The following FBXO34 variants were observed in gnomAD, a reference collection of about 807,000 sequenced individuals.
The protein encoded by FBXO34 is F-box only protein 34.
In FBXO34, 12 loss-of-function variants were observed where a neutral mutation model predicts 24.5. The observed-to-expected ratio is 0.49, with a 90% CI of 0.31 to 0.79. FBXO34 has a LOEUF of 0.79. FBXO34 is among the 30% of genes least tolerant of loss of function. The pLI is 0.04. For synonymous variants in FBXO34, 320 were observed against 311.9 expected (o/e 1.03, Z -0.27); for missense variants, 823 against 857.7 (o/e 0.96, Z 0.51).
the FBXO34 span, among the ~76,000 whole-genome samples, chr14:55,409,664 A>G: frequency 1.3e-5 from 2 of 152,178 alleles, no homozygotes; most frequent in East Asian, 3.8e-4. Context: ...TGTTCTTGGT[A>G]TGTTTGAGGA....
At chr14:55,360,890 C>T (rs961788337) in intron 3 of FBXO34, among the ~76,000 whole-genome samples, 8 of 151,786 alleles carry the variant, frequency 5.3e-5, no homozygotes, top group African/African-American at 1.9e-4. Flanking sequence ...CCCAGCTATT[C>T]GGGAGGCTGA....
the FBXO34 span, chr14:55,380,795 G>A: frequency 8.7e-6 from 5 of 577,594 alleles, no homozygotes; most frequent in East Asian, 3.5e-5. Context: ...GCACTGTTAC[G>A]TTTTAGTGCT....
At chr14:55,336,642 C>T (rs1883785343) in intron 1 of FBXO34, among the ~76,000 whole-genome samples, 1 of 152,142 alleles carries the variant, frequency 6.6e-6, no homozygotes, top group Non-Finnish European at 1.5e-5. Context: ...GCAGCTTCAG[C>T]AGTTGATCAT....
At chr14:55,397,016 C>A in the FBXO34 span, among the ~76,000 whole-genome samples, 1 of 152,054 alleles carries the variant, frequency 6.6e-6, no homozygotes, top group Non-Finnish European at 1.5e-5. Flanking sequence ...CTGATATGGA[C>A]AAAAGAAGAA....
chr14:55,350,626 T>TAG lies in FBXO34; in HGVS notation c.241_242dup (p.Ser81ArgfsTer4). 1 of 1,613,394 alleles carries TAG rather than the reference T, an allele frequency of 6.2e-7. No homozygotes were observed. On this transcript the variant is annotated frameshift_variant, in exon 2 of 2. Transcript: ENST00000313833. LOFTEE classifies it low-confidence loss of function (END_TRUNC). ...TGCAGTATGAGTGGGAAGAGTCCTG[T>TAG]AGAGAGCAGCTTGAATGTTAAAACC...
the FBXO34 span, among the ~76,000 whole-genome samples, chr14:55,417,175 ATG>A: frequency 6.6e-6 from 1 of 152,174 alleles, no homozygotes; most frequent in African/African-American, 2.4e-5. Flanking sequence ...TAAGAAACAG[ATG>A]TTACCTGAAC....
At chr14:55,286,811 T>C (rs1025281819) in intron 1 of FBXO34, among the ~76,000 whole-genome samples, 4 of 152,194 alleles carry the variant, frequency 2.6e-5, no homozygotes, top group African/African-American at 9.6e-5. Flanking sequence ...ATTTTGGATT[T>C]TTTTTTTTGA....
downstream of FBXO34, among the ~76,000 whole-genome samples, chr14:55,357,685 C>G (rs780616906): frequency 9.9e-5 from 15 of 152,170 alleles, no homozygotes; most frequent in Non-Finnish European, 1.8e-4. Flanking sequence ...TGGTGGCACA[C>G]ACCTGTAGCC....
At chr14:55,358,740 T>C (rs1884555028) in intron 3 of FBXO34, among the ~76,000 whole-genome samples, 1 of 152,218 alleles carries the variant, frequency 6.6e-6, no homozygotes, top group Middle Eastern at 3.4e-3. Flanking sequence ...GGGGTAGTAG[T>C]GGGCAGGGTA....
chr14:55,345,652 G>A (rs1157453860), intron 1 of FBXO34, among the ~76,000 whole-genome samples: 4 of 151,970 alleles, frequency 2.6e-5, no homozygotes, highest in South Asian at 2.1e-4. Flanking sequence ...CAGCAACTAT[G>A]TTTTACTCAT....
At chr14:55,320,378 A>G (rs1281970765) in intron 1 of FBXO34, among the ~76,000 whole-genome samples, 1 of 152,188 alleles carries the variant, frequency 6.6e-6, no homozygotes, top group Non-Finnish European at 1.5e-5. Flanking sequence ...CCCAAAGCTA[A>G]ATGGTAGGGT....
chr14:55,347,685 GT>G (rs1884204372), intron 1 of FBXO34, among the ~76,000 whole-genome samples: 1 of 152,290 alleles, frequency 6.6e-6, no homozygotes, highest in Admixed American at 6.5e-5. Flanking sequence ...CACACAAAGT[GT>G]TAGTTGAGCT....
At chr14:55,392,445 C>T in the FBXO34 span, among the ~76,000 whole-genome samples, 1 of 152,002 alleles carries the variant, frequency 6.6e-6, no homozygotes, top group East Asian at 1.9e-4. Context: ...CTCAGGAGTT[C>T]GAGGCCAGCC....
At chr14:55,437,897 T>C in the FBXO34 span, among the ~76,000 whole-genome samples, 1 of 152,252 alleles carries the variant, frequency 6.6e-6, no homozygotes, top group South Asian at 2.1e-4. Flanking sequence ...AAAAAAGTTA[T>C]TGAAACTTAA....
the FBXO34 span, chr14:55,440,690 G>T: frequency 2.1e-6 from 2 of 944,270 alleles, no homozygotes. Flanking sequence ...AGATGGGCTA[G>T]GGGTGGGCCG....
the FBXO34 span, among the ~76,000 whole-genome samples, chr14:55,384,799 C>T: frequency 6.6e-6 from 1 of 152,220 alleles, no homozygotes; most frequent in Non-Finnish European, 1.5e-5. Flanking sequence ...TCAATTAGAG[C>T]AGCCTGGTGG....
At chr14:55,427,669 C>T in the FBXO34 span, among the ~76,000 whole-genome samples, 1 of 152,032 alleles carries the variant, frequency 6.6e-6, no homozygotes, top group African/African-American at 2.4e-5. Flanking sequence ...ACCCTCCATC[C>T]CTGCTCTCTG....
chr14:55,429,797 A>G, the FBXO34 span, among the ~76,000 whole-genome samples: 8 of 151,042 alleles, frequency 5.3e-5, no homozygotes, highest in South Asian at 1.0e-3. Context: ...AAAGAAAACA[A>G]CAAGAAAAAA....
intron 1 of FBXO34, among the ~76,000 whole-genome samples, chr14:55,286,069 A>C (rs1881750701): frequency 6.6e-6 from 1 of 152,232 alleles, no homozygotes; most frequent in Non-Finnish European, 1.5e-5. Flanking sequence ...ATGCTGTATG[A>C]AAATTTGATT....
Sources: allele counts gnomAD v4.1 joint callset (sites outside exome capture counted in the v4.1 genomes callset), GRCh38; gene constraint gnomAD v4.1.1; transcripts MANE v1.5; gene names NCBI Gene and HGNC (gene_info 2026-07-23, HGNC 2026-07-21).